TGFA: variants seen among roughly 807,000 people sequenced by gnomAD.
The protein encoded by TGFA is transforming growth factor alpha.
In TGFA, 12 loss-of-function variants were observed where a neutral mutation model predicts 21.7. The observed-to-expected ratio is 0.55, with a 90% CI of 0.35 to 0.90. TGFA has a LOEUF of 0.90. Ranked by LOEUF, TGFA falls within the 40% of genes least tolerant of loss-of-function variation. The probability of loss-of-function intolerance (pLI) is 0.01; values close to 1 mark genes in which losing one functional copy is unlikely to be tolerated. For synonymous variants in TGFA, 79 were observed against 88.1 expected, an observed-to-expected ratio of 0.90 and a Z score of 0.58; for missense variants, 178 against 210.8, an observed-to-expected ratio of 0.84 and a Z score of 0.96.
intron 1 of TGFA, among the ~76,000 whole-genome samples, chr2:70,540,025 A>C (rs1473869877): frequency 6.6e-6 from 1 of 152,176 alleles, no homozygotes; most frequent in Non-Finnish European, 1.5e-5. Flanking sequence ...CTTATAAAAC[A>C]CTAAGTTCCA....
At position 70,467,753 on chromosome 2, in the gene TGFA, TA is replaced by T. The variant is rs369301849; in HGVS notation, c.95-2018del. The T allele has an allele frequency of 6.3e-4, 96 of 152,350 alleles. 3 individuals carry two copies. In the East Asian group the frequency reaches 0.017, roughly 27 times the overall value. The allele number at this position is 152,350 out of a possible 1,614,324, so 9.4% of individuals were successfully genotyped here. On this transcript the variant is annotated intron_variant, in intron 2 of 5. Coordinates refer to ENST00000295400, the MANE Select transcript of TGFA (RefSeq NM_003236.4). ...GAGATTTTAGACCATCACTAAATAT[TA>T]AACTCCTGTTGCTATCTTTCTATTC...
chr2:70,486,120 C>G (rs1671265030), intron 2 of TGFA, among the ~76,000 whole-genome samples: 1 of 152,216 alleles, frequency 6.6e-6, no homozygotes, highest in African/African-American at 2.4e-5. Flanking sequence ...CTGGAGTGGA[C>G]TTTTCCCTCA....
chr2:70,498,473 G>A (rs1574105446), intron 2 of TGFA, among the ~76,000 whole-genome samples: 1 of 152,298 alleles, frequency 6.6e-6, no homozygotes, highest in South Asian at 2.1e-4. Flanking sequence ...CGGGGCTTGG[G>A]CTAAGGGTTT....
At chr2:70,469,650 C>T (rs533113987) in intron 2 of TGFA, among the ~76,000 whole-genome samples, 2 of 152,298 alleles carry the variant, frequency 1.3e-5, no homozygotes, top group African/African-American at 4.8e-5. Context: ...TGCAGGTGAT[C>T]CTGATGCACA....
At chr2:70,485,381 G>T (rs191757729) in intron 2 of TGFA, among the ~76,000 whole-genome samples, 1 of 152,122 alleles carries the variant, frequency 6.6e-6, no homozygotes, top group Non-Finnish European at 1.5e-5. Context: ...GGGATTACAG[G>T]TGCCCGCCAC....
intron 2 of TGFA, among the ~76,000 whole-genome samples, chr2:70,507,498 G>A (rs964590316): frequency 6.6e-6 from 1 of 151,894 alleles, no homozygotes; most frequent in African/African-American, 2.4e-5. Flanking sequence ...GATTTTAAAG[G>A]GCTACATAGT....
At chr2:70,541,340 A>G (rs1553505180) in intron 1 of TGFA, among the ~76,000 whole-genome samples, 1 of 152,248 alleles carries the variant, frequency 6.6e-6, no homozygotes, top group African/African-American at 2.4e-5. Context: ...ACTGTAAGCG[A>G]AAAGCAGATT....
At chr2:70,546,798 G>T (rs1553505965) in intron 1 of TGFA, among the ~76,000 whole-genome samples, 1 of 152,056 alleles carries the variant, frequency 6.6e-6, no homozygotes, top group Non-Finnish European at 1.5e-5. Context: ...CAAGTGATCT[G>T]CCTGCCTCAA....
At chr2:70,543,353 C>A (rs552890927) in intron 1 of TGFA, among the ~76,000 whole-genome samples, 1 of 151,632 alleles carries the variant, frequency 6.6e-6, no homozygotes, top group African/African-American at 2.4e-5. Flanking sequence ...CATGGCAAAA[C>A]CCCATCTCTA....
intron 1 of TGFA, among the ~76,000 whole-genome samples, chr2:70,523,822 T>C (rs576762222): frequency 6.6e-6 from 1 of 152,334 alleles, no homozygotes; most frequent in African/African-American, 2.4e-5. Context: ...TGCTTTGAAC[T>C]CTTTAGAGTC....
At chr2:70,545,607 G>A (rs782577094) in intron 1 of TGFA, among the ~76,000 whole-genome samples, 2 of 151,880 alleles carry the variant, frequency 1.3e-5, no homozygotes, top group Non-Finnish European at 2.9e-5. Flanking sequence ...AAAAATTATA[G>A]ATAAAATATT....
chr2:70,520,219 G>A (rs550756323), intron 1 of TGFA, among the ~76,000 whole-genome samples: 2 of 152,288 alleles, frequency 1.3e-5, no homozygotes, highest in East Asian at 1.9e-4. Context: ...GAACTTCAAC[G>A]AAGGGTTTTA....
At chr2:70,521,613 G>GTGTTTTTTTTTTTTTT (rs532266930) in intron 1 of TGFA, among the ~76,000 whole-genome samples, 1 of 74,052 alleles carries the variant, frequency 1.4e-5, no homozygotes, top group African/African-American at 4.2e-5. Flanking sequence ...GTTGTTGTTT[G>GTGTTTTTTTTTTTTTT]TTTGTTTTTT....
intron 1 of TGFA, among the ~76,000 whole-genome samples, chr2:70,535,728 T>G (rs1445870313): frequency 6.6e-6 from 1 of 152,232 alleles, no homozygotes; most frequent in Non-Finnish European, 1.5e-5. Flanking sequence ...TTTTTCCCTC[T>G]GTTGCACCGT....
chr2:70,477,591 A>G (rs546122830), intron 2 of TGFA, among the ~76,000 whole-genome samples: 3 of 152,206 alleles, frequency 2.0e-5, no homozygotes, highest in Non-Finnish European at 2.9e-5. Flanking sequence ...AGGTGTGACC[A>G]TGTGACCAGG....
rs1489682891 is a variant in TGFA at position 70,450,332 on chromosome 2, G to C, written c.*527C>G. 1 of 152,858 alleles carries C rather than the reference G, an allele frequency of 6.5e-6. No individual in the cohort carries two copies. 9.5% of individuals were successfully genotyped at this position (152,858 alleles called of 1,614,324 possible). A position where few individuals can be genotyped will look rare whatever the true frequency, so the allele number is the denominator to read the frequency against. The stretch of plus-strand genomic sequence containing the variant: ...ATGGAAGATGTTGGGCTGGTTGAGG[G>C]TCTCGTGGTTAGAGGATACAGCTTC... On this transcript the variant is annotated 3_prime_UTR_variant, in exon 6 of 6. Transcript: ENST00000295400.
chr2:70,521,613 G>GTTTTTTTCTTTTTTTT (rs59567780), intron 1 of TGFA, among the ~76,000 whole-genome samples: 1 of 74,052 alleles, frequency 1.4e-5, no homozygotes, highest in African/African-American at 4.2e-5. Flanking sequence ...GTTGTTGTTT[G>GTTTTTTTCTTTTTTTT]TTTGTTTTTT....
At chr2:70,534,763 G>T (rs1056069473) in intron 1 of TGFA, among the ~76,000 whole-genome samples, 1 of 152,174 alleles carries the variant, frequency 6.6e-6, no homozygotes, top group Non-Finnish European at 1.5e-5. Flanking sequence ...AACCACCTAT[G>T]TGGGAATTAC....
At chr2:70,536,539 C>A (rs1553504406) in intron 1 of TGFA, among the ~76,000 whole-genome samples, 1 of 152,130 alleles carries the variant, frequency 6.6e-6, no homozygotes, top group Non-Finnish European at 1.5e-5. Flanking sequence ...AAATCAATAA[C>A]AGAAAGAGAG....
Sources: allele counts gnomAD v4.1 joint callset (sites outside exome capture counted in the v4.1 genomes callset), GRCh38; gene constraint gnomAD v4.1.1; transcripts MANE v1.5; gene names NCBI Gene and HGNC (gene_info 2026-07-23, HGNC 2026-07-21).